EHD4: variants seen among roughly 807,000 people sequenced by gnomAD.
EHD4 encodes EH domain-containing protein 4.
Under a neutral mutation model 51.0 loss-of-function variants are expected in EHD4, and 37 were observed. The observed-to-expected ratio is 0.73, with a 90% CI of 0.56 to 0.95. The LOEUF (loss-of-function observed/expected upper bound fraction) is 0.95, where lower values mean the gene tolerates loss of function less well. Among genes scored for constraint, EHD4 ranks in the 40% least tolerant of loss-of-function variants. The pLI is 0.00. For synonymous variants in EHD4, 297 were observed against 317.3 expected, an observed-to-expected ratio of 0.94 and a Z score of 0.68; for missense variants, 632 against 733.1, an observed-to-expected ratio of 0.86 and a Z score of 1.59.
At chr15:41,945,924 T>A (rs2141000936) in intron 2 of EHD4, among the ~76,000 whole-genome samples, 1 of 152,252 alleles carries the variant, frequency 6.6e-6, no homozygotes, top group South Asian at 2.1e-4. Flanking sequence ...CTGGGCAAGG[T>A]ATGTCGTGTG....
intron 4 of EHD4, among the ~76,000 whole-genome samples, chr15:41,910,362 T>A (rs940044856): frequency 2.0e-5 from 3 of 152,216 alleles, no homozygotes; most frequent in Non-Finnish European, 4.4e-5. Flanking sequence ...AAAGTCATTC[T>A]GCACAAGACC....
At chr15:41,944,398 G>C (rs1172132915) in intron 2 of EHD4, among the ~76,000 whole-genome samples, 1 of 152,194 alleles carries the variant, frequency 6.6e-6, no homozygotes, top group African/African-American at 2.4e-5. Context: ...GCTGACATCT[G>C]TGTCTGTGTG....
chr15:41,916,693 C>T (rs2067586072), intron 4 of EHD4, among the ~76,000 whole-genome samples: 1 of 152,188 alleles, frequency 6.6e-6, no homozygotes, highest in South Asian at 2.1e-4. Context: ...AGTTAGTGGC[C>T]AAGGCCGCCG....
intron 3 of EHD4, among the ~76,000 whole-genome samples, chr15:41,940,820 C>T (rs118027554): frequency 0.018 from 2,707 of 152,256 alleles, 186 homozygotes; most frequent in Admixed American, 0.13. Context: ...TTGAAAGACA[C>T]GATTACTAAG....
At chr15:41,931,974 C>T (rs1038285745) in intron 3 of EHD4, among the ~76,000 whole-genome samples, 1 of 152,096 alleles carries the variant, frequency 6.6e-6, no homozygotes, top group African/African-American at 2.4e-5. Context: ...CGCGCCCAGC[C>T]AGCAATTTCT....
intron 3 of EHD4, among the ~76,000 whole-genome samples, chr15:41,934,684 G>A (rs1237651042): frequency 6.6e-6 from 1 of 152,106 alleles, no homozygotes; most frequent in East Asian, 1.9e-4. Context: ...CTAGTCTTCC[G>A]AGCATCATTT....
At chr15:41,959,328 T>A (rs1042616150) in intron 1 of EHD4, among the ~76,000 whole-genome samples, 3 of 137,134 alleles carry the variant, frequency 2.2e-5, no homozygotes, top group African/African-American at 8.4e-5. Flanking sequence ...CCCGGGAGGC[T>A]GAGCTTGCAG....
intron 5 of EHD4, among the ~76,000 whole-genome samples, chr15:41,909,117 A>G (rs2067531863): frequency 6.6e-6 from 1 of 152,192 alleles, no homozygotes; most frequent in Non-Finnish European, 1.5e-5. Context: ...TGCAGCACCC[A>G]TTGTTGCCTG....
intron 5 of EHD4, among the ~76,000 whole-genome samples, chr15:41,907,816 C>T (rs2067522097): frequency 6.7e-6 from 1 of 148,990 alleles, no homozygotes; most frequent in Admixed American, 6.8e-5. Flanking sequence ...AGCCACTGCG[C>T]CCAGGCTCTG....
chr15:41,929,964 C>T (rs2067687865), intron 3 of EHD4, among the ~76,000 whole-genome samples: 1 of 152,200 alleles, frequency 6.6e-6, no homozygotes, highest in African/African-American at 2.4e-5. Flanking sequence ...CTAAATGACA[C>T]AATTATCAAA....
chr15:41,968,588 C>G (rs1251491361), intron 1 of EHD4, among the ~76,000 whole-genome samples: 4 of 151,868 alleles, frequency 2.6e-5, no homozygotes, highest in East Asian at 1.9e-4. Context: ...CTGCACCTGG[C>G]CCCTCATCTT....
At chr15:41,968,490 A>G (rs887267428) in intron 1 of EHD4, among the ~76,000 whole-genome samples, 38 of 119,512 alleles carry the variant, frequency 3.2e-4, no homozygotes, top group Admixed American at 1.2e-3. Context: ...GGGTCTCACT[A>G]TGTTGCCCAG....
intron 2 of EHD4, among the ~76,000 whole-genome samples, chr15:41,952,327 A>T (rs1397343484): frequency 2.0e-5 from 3 of 152,210 alleles, no homozygotes; most frequent in African/African-American, 7.2e-5. Context: ...TCCTCTCCCT[A>T]AAGAGGCTCG....
chr15:41,913,545 C>T (rs1247156985), intron 4 of EHD4, among the ~76,000 whole-genome samples: 1 of 152,186 alleles, frequency 6.6e-6, no homozygotes, highest in Non-Finnish European at 1.5e-5. Flanking sequence ...TTAGAAATGA[C>T]AACAACATTC....
At chr15:41,953,323 T>C (rs1455492272) in intron 2 of EHD4, among the ~76,000 whole-genome samples, 1 of 152,172 alleles carries the variant, frequency 6.6e-6, no homozygotes. Flanking sequence ...GCCTAATCCA[T>C]TTCTGTGCAG....
chr15:41,958,512 A>T (rs1365069681), intron 1 of EHD4, among the ~76,000 whole-genome samples: 6 of 151,770 alleles, frequency 4.0e-5, no homozygotes. Flanking sequence ...TCTTTTTTTC[A>T]TTGCTTAGGC....
Position 41,943,107 on chromosome 15 carries a change from G to C in EHD4, c.471C>G (p.Ser157Arg). The change falls in exon 3 of 6, where the codon AGC (serine) becomes AGG (arginine). Residue 157 changes from serine to arginine, a missense_variant. By Grantham distance (110) the Ser-to-Arg change is moderately radical. Transcript: ENST00000220325. ...QVLKSISVID[S>R]PGILSGEKQR... The stretch of plus-strand genomic sequence containing the variant: ...GCTTCTCCCCAGAAAGGATGCCGGG[G>C]CTGTCGATGACGCTGATGCTCTTCA... 1.9e-6 allele frequency: 3 copies of C among 1,591,760 alleles called. No homozygotes were observed. Among genetic ancestry groups the C allele is most frequent in the Non-Finnish European group, 2.6e-6 (3 of 1,169,156 alleles).
In EHD4 at chr15:41,952,140, G is replaced by A. The variant is rs368184881; in HGVS notation, c.413+1624C>T. ...GGAGGGGCCTGGGTGGCCCTCAGCC[G>A]AGCCAGTGCACAGCATCCAGCACAT... On this transcript the variant is annotated intron_variant, in intron 2 of 5. Transcript: ENST00000220325. Among the ~76,000 whole-genome samples the A allele has an allele frequency of 7.9e-5, 12 of 152,380 alleles. No individual in the cohort carries two copies. The South Asian group carries it at 2.1e-3, about 26-fold the overall frequency.
chr15:41,903,394 C>A (rs1328802393), intron 5 of EHD4, among the ~76,000 whole-genome samples: 1 of 149,574 alleles, frequency 6.7e-6, no homozygotes, highest in Admixed American at 6.7e-5. Context: ...ATAATCTCAT[C>A]ATCTGGCAAA....
Sources: gnomAD v4.1 joint callset for allele counts (sites outside exome capture counted in the v4.1 genomes callset) on GRCh38, gnomAD v4.1.1 for gene constraint, MANE v1.5 for transcripts, NCBI Gene and HGNC (gene_info 2026-07-23, HGNC 2026-07-21) for gene names.